Variants in PTPRA observed in about 807,000 individuals in gnomAD.
PTPRA encodes the protein protein tyrosine phosphatase receptor type A.
PTPRA carries 25 observed loss-of-function variants against 104.8 expected under a neutral mutation model. That is an observed-to-expected ratio of 0.24 (90% confidence interval 0.17 to 0.33). The LOEUF (loss-of-function observed/expected upper bound fraction) is 0.33, where lower values mean the gene tolerates loss of function less well. Ranked by LOEUF, PTPRA falls within the 10% of genes least tolerant of loss-of-function variation. The pLI is 1.00. For synonymous variants in PTPRA, 323 were observed against 368.9 expected (o/e 0.88, Z 1.43); for missense variants, 765 against 1,015.3 (o/e 0.75, Z 3.35).
intron 20 of PTPRA, among the ~76,000 whole-genome samples, chr20:3,030,676 CTTTTTTTTTTTT>C (rs1180681994): frequency 5.9e-5 from 4 of 67,724 alleles, no homozygotes; most frequent in East Asian, 1.0e-3. Context: ...TCTCCCTCTG[CTTTTTTTTTTTT>C]TTTTTTTTTT....
intron 2 of PTPRA, among the ~76,000 whole-genome samples, chr20:2,941,669 C>G (rs1037984386): frequency 1.3e-5 from 2 of 152,136 alleles, no homozygotes; most frequent in Non-Finnish European, 1.5e-5. Flanking sequence ...GTGGCCCTAC[C>G]CTGTATACAT....
chr20:2,911,884 A>G (rs1163132198), intron 1 of PTPRA, among the ~76,000 whole-genome samples: 2 of 152,158 alleles, frequency 1.3e-5, no homozygotes, highest in African/African-American at 4.8e-5. Flanking sequence ...TCAGTGAAAA[A>G]AAAAGACTGC....
intron 20 of PTPRA, among the ~76,000 whole-genome samples, chr20:3,032,080 A>G (rs1230786349): frequency 6.6e-6 from 1 of 152,160 alleles, no homozygotes; most frequent in Non-Finnish European, 1.5e-5. Context: ...TGCCTGTCCC[A>G]TCATACTCAC....
intron 9 of PTPRA, among the ~76,000 whole-genome samples, chr20:2,996,715 A>G (rs998653633): frequency 2.6e-5 from 4 of 152,238 alleles, no homozygotes; most frequent in African/African-American, 9.6e-5. Flanking sequence ...AGATATGAAA[A>G]GAAGATCAAC....
At chr20:2,910,578 G>GTTTTT (rs1245304127) in intron 1 of PTPRA, among the ~76,000 whole-genome samples, 2 of 32,420 alleles carry the variant, frequency 6.2e-5, no homozygotes, top group Non-Finnish European at 1.0e-4. Flanking sequence ...TGCCCAGCTA[G>GTTTTT]TTTTTTTTTT....
chr20:2,893,256 A>T (rs2058868254), intron 1 of PTPRA, among the ~76,000 whole-genome samples: 1 of 152,192 alleles, frequency 6.6e-6, no homozygotes, highest in Non-Finnish European at 1.5e-5. Flanking sequence ...AACCATACTA[A>T]AGATCTTACA....
At chr20:3,016,107 T>C (rs980647239) in intron 12 of PTPRA, among the ~76,000 whole-genome samples, 1 of 152,228 alleles carries the variant, frequency 6.6e-6, no homozygotes, top group Admixed American at 6.5e-5. Context: ...TTTTTGTGTA[T>C]GTATATTAAA....
At chr20:2,920,859 T>G (rs1439394752) in intron 1 of PTPRA, among the ~76,000 whole-genome samples, 1 of 151,974 alleles carries the variant, frequency 6.6e-6, no homozygotes, top group African/African-American at 2.4e-5. Context: ...TGTTAAAGCC[T>G]TGAGGCTATT....
intron 6 of PTPRA, among the ~76,000 whole-genome samples, chr20:2,981,557 G>A (rs1422914641): frequency 6.6e-6 from 1 of 152,194 alleles, no homozygotes; most frequent in Admixed American, 6.5e-5. Context: ...AATGTCATTA[G>A]TGTGACGTTG....
intron 5 of PTPRA, among the ~76,000 whole-genome samples, chr20:2,972,477 A>G (rs2062230759): frequency 1.3e-5 from 2 of 152,352 alleles, no homozygotes; most frequent in South Asian, 2.1e-4. Context: ...CACTGGGATT[A>G]TAGGCATGAG....
intron 5 of PTPRA, among the ~76,000 whole-genome samples, chr20:2,974,299 G>A (rs1168256681): frequency 6.6e-6 from 1 of 151,880 alleles, no homozygotes; most frequent in East Asian, 1.9e-4. Context: ...CCCCCTTCTG[G>A]AGTACAGTGG....
intron 1 of PTPRA, among the ~76,000 whole-genome samples, chr20:2,904,270 A>T (rs1399149342): frequency 1.3e-5 from 2 of 152,160 alleles, no homozygotes; most frequent in African/African-American, 4.8e-5. Flanking sequence ...AATTTTTAAA[A>T]TTTTTAAATG....
At chr20:2,941,181 CAAT>C (rs1416224584) in intron 2 of PTPRA, among the ~76,000 whole-genome samples, 9 of 151,410 alleles carry the variant, frequency 5.9e-5, no homozygotes, top group South Asian at 2.1e-4. Context: ...CAGGTGCCTG[CAAT>C]CACGCCAGGC....
At chr20:3,011,701 T>C (rs780778200) in intron 11 of PTPRA, among the ~76,000 whole-genome samples, 11 of 152,182 alleles carry the variant, frequency 7.2e-5, no homozygotes, top group Admixed American at 1.3e-4. Flanking sequence ...AGTGTGTCCA[T>C]TGGAGTTCTT....
chr20:3,020,484 G>A (rs2064811158), intron 13 of PTPRA, among the ~76,000 whole-genome samples: 1 of 152,208 alleles, frequency 6.6e-6, no homozygotes, highest in South Asian at 2.1e-4. Context: ...GGTATATCCT[G>A]GATCAGCAGA....
intron 1 of PTPRA, among the ~76,000 whole-genome samples, chr20:2,901,890 CTT>C (rs766887157): frequency 4.2e-5 from 6 of 142,850 alleles, no homozygotes; most frequent in Non-Finnish European, 3.1e-5. Context: ...GTGATTTTTT[CTT>C]TTTTTTTTTT....
At chr20:2,977,082 C>T (rs1306470977) in intron 6 of PTPRA, among the ~76,000 whole-genome samples, 3 of 152,028 alleles carry the variant, frequency 2.0e-5, no homozygotes, top group African/African-American at 7.2e-5. Context: ...TCAAGACCAG[C>T]CTGACCAATA....
Position 3,035,590 on chromosome 20 carries a change from G to C in PTPRA, c.1926G>C (p.Lys642Asn). ...TCTCCAACCTGTCTCTCCAGGAGAA[G>C]TGTGCCCAGTACTGGCCATCTGATG... ...LTELEERGQE[K>N]CAQYWPSDGL... The change falls in exon 21 of 24, where the codon AAG (lysine) becomes AAC (asparagine). Residue 642 changes from lysine to asparagine, a missense_variant. Transcript: ENST00000399903. This position sits in a 1 kb window ranked among gnomAD's most constrained non-coding sequence, Gnocchi z 5.8. 1 of 1,611,302 alleles carries C rather than the reference G, an allele frequency of 6.2e-7. No individual in the cohort carries two copies. The highest frequency in any genetic ancestry group is 2.2e-5 in the East Asian group (1 of 44,878).
chr20:2,951,644 T>C (rs2068937337), intron 3 of PTPRA, among the ~76,000 whole-genome samples: 1 of 152,178 alleles, frequency 6.6e-6, no homozygotes, highest in Non-Finnish European at 1.5e-5. Context: ...CCTTGCCCAT[T>C]CCTTCCGCTG....
Sources: gnomAD v4.1 joint callset for allele counts (sites outside exome capture counted in the v4.1 genomes callset) on GRCh38, gnomAD v4.1.1 for gene constraint, Gnocchi (gnomAD v3.1) non-coding constraint, MANE v1.5 for transcripts, NCBI Gene and HGNC (gene_info 2026-07-23, HGNC 2026-07-21) for gene names.